The following EXOC4 variants were observed in gnomAD, a reference collection of about 807,000 sequenced individuals.
EXOC4 encodes the protein SEC8-like 1.
In EXOC4, 71 loss-of-function variants were observed where a neutral mutation model predicts 107.2. The ratio of observed to expected loss-of-function variants is 0.66; its 90% CI spans 0.55 to 0.81. The LOEUF (loss-of-function observed/expected upper bound fraction) is 0.81. EXOC4 is among the 30% of genes least tolerant of loss of function. The pLI is 0.00. For synonymous variants in EXOC4, 456 were observed against 441.2 expected (o/e 1.03, Z -0.42); for missense variants, 1,108 against 1,189.6 (o/e 0.93, Z 1.01).
chr7:133,862,382 C>A (rs1222285136), intron 11 of EXOC4, among the ~76,000 whole-genome samples: 1 of 151,956 alleles, frequency 6.6e-6, no homozygotes, highest in East Asian at 1.9e-4. Context: ...ACTCAGAAGG[C>A]TGAGGCAGGA....
At chr7:133,645,027 C>T (rs1197913897) in intron 10 of EXOC4, among the ~76,000 whole-genome samples, 2 of 151,748 alleles carry the variant, frequency 1.3e-5, no homozygotes, top group South Asian at 2.1e-4. Context: ...CCTCCTCCTT[C>T]ACCTGGTGAA....
chr7:133,899,520 G>A (rs1490442855), intron 12 of EXOC4, among the ~76,000 whole-genome samples: 1 of 152,160 alleles, frequency 6.6e-6, no homozygotes, highest in Admixed American at 6.5e-5. Flanking sequence ...TTCTCTGAAT[G>A]ATAACAAATC....
intron 17 of EXOC4, among the ~76,000 whole-genome samples, chr7:134,022,299 A>AAATGATAAT: frequency 6.6e-6 from 1 of 152,332 alleles, no homozygotes; most frequent in East Asian, 1.9e-4. Context: ...ATAGGTATTG[A>AAATGATAAT]AATGATAATG....
intron 7 of EXOC4, among the ~76,000 whole-genome samples, chr7:133,377,097 A>G (rs1187179505): frequency 6.6e-6 from 1 of 152,226 alleles, no homozygotes; most frequent in Non-Finnish European, 1.5e-5. Flanking sequence ...CACGCCTGTA[A>G]TCTCAGCACT....
At chr7:133,765,785 T>C (rs1796122765) in intron 10 of EXOC4, among the ~76,000 whole-genome samples, 1 of 152,010 alleles carries the variant, frequency 6.6e-6, no homozygotes, top group African/African-American at 2.4e-5. Context: ...TATTTTAAAC[T>C]TTACCTGTGA....
rs558613356 is a variant in EXOC4, at chr7:133,836,358, A to G, written c.1734+18814A>G. ...CATTAAGTGCTTTGTCTAAGATGAC[A>G]TATCTGGTAAATAGCAGATCCAATA... On this transcript the variant is annotated intron_variant, in intron 11 of 17. Transcript: ENST00000253861. 1.4e-3 allele frequency among the ~76,000 whole-genome samples: 213 copies of G among 152,322 alleles called. 1 individual carries two copies. Among genetic ancestry groups the G allele is most frequent in the Non-Finnish European group, 2.4e-3 (164 of 68,030 alleles).
chr7:133,729,349 A>G (rs938537258), intron 10 of EXOC4, among the ~76,000 whole-genome samples: 2 of 152,128 alleles, frequency 1.3e-5, no homozygotes, highest in Non-Finnish European at 2.9e-5. Context: ...GCACTAGTCT[A>G]TTGTATAATT....
At chr7:133,467,866 T>C (rs1321438348) in intron 7 of EXOC4, among the ~76,000 whole-genome samples, 1 of 152,116 alleles carries the variant, frequency 6.6e-6, no homozygotes, top group East Asian at 1.9e-4. Flanking sequence ...CATCTTGTCC[T>C]CCTATAAATG....
At chr7:133,481,464 G>A (rs537094264) in intron 9 of EXOC4, among the ~76,000 whole-genome samples, 2 of 152,256 alleles carry the variant, frequency 1.3e-5, no homozygotes, top group African/African-American at 2.4e-5. Flanking sequence ...TAGTCTTTAA[G>A]ACTCATAATT....
At chr7:133,387,343 T>C (rs978179391) in intron 7 of EXOC4, among the ~76,000 whole-genome samples, 36 of 152,304 alleles carry the variant, frequency 2.4e-4, no homozygotes, top group African/African-American at 8.4e-4. Context: ...TTCATAAATA[T>C]GGGAAGGTGC....
rs566101474 is a variant in EXOC4, at chr7:133,862,442, C to T, written c.1735-33157C>T. ...AGGTTGCAGTGAGCTGAGATCACAC[C>T]GTTGCACTCCAGCCTCAGCTACAGA... On this transcript the variant is annotated intron_variant, in intron 11 of 17. Transcript: ENST00000253861. Among the ~76,000 whole-genome samples the T allele has an allele frequency of 1.4e-4, 22 of 152,086 alleles. 1 individual carries two copies. The highest frequency in any genetic ancestry group is 2.5e-4 in the Non-Finnish European group (17 of 67,992).
chr7:134,079,030 T>C, the EXOC4 span, among the ~76,000 whole-genome samples: 1 of 152,190 alleles, frequency 6.6e-6, no homozygotes, highest in South Asian at 2.1e-4. Flanking sequence ...TCTAGGGCAA[T>C]TTGACATTCC....
In EXOC4 at chr7:133,847,402, C is replaced by CT. The variant is rs1198306461; in HGVS notation, c.1734+29859dup. 2.9e-5 allele frequency among the ~76,000 whole-genome samples: 4 copies of CT among 140,132 alleles called. No homozygotes were observed. In the East Asian group the frequency reaches 8.2e-4, roughly 29 times the overall value. The allele number at this position is 140,132 out of a possible 152,430, so 91.9% of individuals were successfully genotyped here. On this transcript the variant is annotated intron_variant, in intron 11 of 17. Coordinates refer to ENST00000253861, the MANE Select transcript of EXOC4 (RefSeq NM_021807.4). ...TTTTAATTTTTTTTTTTTTTGGAGA[C>CT]TGAGTCTCGCTCTGCCCCCAAACTG...
chr7:133,469,818 C>T (rs935047850), intron 7 of EXOC4, among the ~76,000 whole-genome samples: 1 of 152,172 alleles, frequency 6.6e-6, no homozygotes, highest in Non-Finnish European at 1.5e-5. Context: ...CTAGTTCATT[C>T]TTTATTCTCC....
chr7:133,975,032 T>TG (rs992587343), intron 14 of EXOC4, among the ~76,000 whole-genome samples: 8 of 151,840 alleles, frequency 5.3e-5, no homozygotes, highest in African/African-American at 1.7e-4. Flanking sequence ...TACCTTTTTT[T>TG]TTTGAGTTCT....
At chr7:133,649,263 C>A (rs969708316) in intron 10 of EXOC4, among the ~76,000 whole-genome samples, 2 of 152,050 alleles carry the variant, frequency 1.3e-5, no homozygotes, top group Admixed American at 1.3e-4. Flanking sequence ...ATTAAACATG[C>A]CTGAAGCTTC....
chr7:133,427,561 T>G (rs1797754995), intron 7 of EXOC4, among the ~76,000 whole-genome samples: 1 of 152,182 alleles, frequency 6.6e-6, no homozygotes, highest in Admixed American at 6.5e-5. Flanking sequence ...TGGATTAGCT[T>G]TTATCAGCTA....
chr7:134,041,712 A>G (rs1230844731), intron 17 of EXOC4, among the ~76,000 whole-genome samples: 1 of 152,218 alleles, frequency 6.6e-6, no homozygotes, highest in Non-Finnish European at 1.5e-5. Flanking sequence ...TGAAAACTCC[A>G]TAAAGTTCCA....
In EXOC4 at chr7:134,005,465, A is replaced by G. The variant is rs182518692; in HGVS notation, c.2527+375A>G. On this transcript the variant is annotated intron_variant, in intron 16 of 17. Transcript: ENST00000253861. Reference sequence around the variant, plus strand: ...CCTGAAAGATCACTCATTGGCTAAAATTATCACTGGAACGGGAAGTTTTCT... The same window carrying G: ...CCTGAAAGATCACTCATTGGCTAAAGTTATCACTGGAACGGGAAGTTTTCT... Among the ~76,000 whole-genome samples the G allele has an allele frequency of 3.3e-3, 500 of 152,288 alleles. 5 individuals are homozygous for G. Among genetic ancestry groups the G allele is most frequent in the Non-Finnish European group, 4.8e-3 (326 of 68,020 alleles).
Sources: gnomAD v4.1 joint callset for allele counts (sites outside exome capture counted in the v4.1 genomes callset) on GRCh38, gnomAD v4.1.1 for gene constraint, MANE v1.5 for transcripts, NCBI Gene and HGNC (gene_info 2026-07-23, HGNC 2026-07-21) for gene names.